The following ANKDD1A variants were observed in gnomAD, a reference collection of about 807,000 sequenced individuals.
ANKDD1A encodes the protein ankyrin repeat and death domain containing 1A.
ANKDD1A carries 59 observed loss-of-function variants against 63.5 expected under a neutral mutation model. The observed-to-expected ratio is 0.93, with a 90% confidence interval of 0.75 to 1.15. The LOEUF (loss-of-function observed/expected upper bound fraction) is 1.15, where lower values mean the gene tolerates loss of function less well. ANKDD1A is among the 50% of genes most tolerant of loss of function. The pLI is 0.00. For synonymous variants in ANKDD1A, 266 were observed against 263.9 expected (o/e 1.01, Z -0.08); for missense variants, 632 against 656.4 (o/e 0.96, Z 0.41).
chr15:64,915,810 G>A lies in ANKDD1A; in HGVS notation c.48G>A (p.Glu16=), dbSNP rs369376868. The change falls in exon 2 of 15, where the codon GAG becomes GAA. Residue 16 remains glutamate, a synonymous_variant. Coordinates refer to ENST00000319580, the MANE Select transcript of ANKDD1A (RefSeq NM_182703.6). Reference sequence around the variant, plus strand: ...TTCTCCCCACAGTGCTTCCTCTGGAGAGGCAGCTCCACGAGGCCGCCCGCC... The same window carrying A: ...TTCTCCCCACAGTGCTTCCTCTGGAAAGGCAGCTCCACGAGGCCGCCCGCC... ...AWETDGLLPL[E]RQLHEAARQN... 1.9e-6 allele frequency: 3 copies of A among 1,613,898 alleles called. No homozygotes were observed. In the African/African-American group the frequency reaches 4.0e-5, roughly 22 times the overall value.
At chr15:64,954,081 T>C (rs1270438472) in intron 14 of ANKDD1A, among the ~76,000 whole-genome samples, 3 of 3,672 alleles carry the variant, frequency 8.2e-4, no homozygotes, top group Non-Finnish European at 5.7e-3. Context: ...TCCTCTTTTC[T>C]TCTTCTTTCT....
intron 14 of ANKDD1A, among the ~76,000 whole-genome samples, chr15:64,954,463 CTCCTTCTTCCTCTTT>C (rs1166352185): frequency 2.4e-5 from 3 of 122,622 alleles, no homozygotes; most frequent in South Asian, 3.0e-4. Context: ...CTTCCCTCTT[CTCCTTCTTCCTCTTT>C]TTCTTCTTCC....
rs1478059777 is a variant in ANKDD1A, at chr15:64,951,373, CTTTCT to C, written c.1483+1405_1483+1409del. 8,252 of 432,814 alleles carry C rather than the reference CTTTCT, an allele frequency of 0.019. 757 individuals carry two copies. In the African/African-American group the frequency reaches 0.2, roughly 11 times the overall value. 26.8% of individuals were successfully genotyped at this position (432,814 alleles called of 1,614,324 possible). On this transcript the variant is annotated intron_variant, in intron 14 of 14. Transcript: ENST00000319580. Reference sequence around the variant, plus strand: ...CTCTTCTTTCTTCTTCCTCTTTCTTCTTTCTTTTTCTTTTCTTCTTCCTCTTTTTT... The same window carrying C: ...CTCTTCTTTCTTCTTCCTCTTTCTTCTTTTCTTTTCTTCTTCCTCTTTTTT...
intron 3 of ANKDD1A, chr15:64,919,685 C>A (rs543781176): frequency 2.1e-4 from 32 of 152,318 alleles, no homozygotes; most frequent in African/African-American, 7.5e-4. Context: ...TACCTCTCCC[C>A]GGTTTCCAGG....
intron 1 of ANKDD1A, 106 bp from the exon 2 acceptor site, chr15:64,915,691 A>AC: frequency 1.1e-6 from 1 of 923,154 alleles, no homozygotes; most frequent in Non-Finnish European, 1.7e-6. Context: ...TAGCTGAAAG[A>AC]CCCCTGCTCC....
Position 64,942,565 on chromosome 15 carries a change from T to C in ANKDD1A, c.966T>C (p.Asn322=), listed in dbSNP as rs1048529733. 1.9e-6 allele frequency: 3 copies of C among 1,612,130 alleles called. No homozygotes were observed. The highest frequency in any genetic ancestry group is 8.5e-7 in the Non-Finnish European group (1 of 1,179,068). ...ACAGTGACGTGAATGCCGTGGACAA[T>C]GTAAGTGGCTACAGAGACCTTCCGG... is the stretch of plus-strand genomic sequence containing the variant. ...NSDSDVNAVD[N]RQQTPLHLAA... Residue 322 remains asparagine (N), a splice_region_variant and synonymous_variant, in exon 10 of 15, where the codon AAT becomes AAC. Transcript: ENST00000319580.
chr15:64,948,867 A>G (rs1232848366), intron 13 of ANKDD1A, among the ~76,000 whole-genome samples: 1 of 152,156 alleles, frequency 6.6e-6, no homozygotes, highest in Non-Finnish European at 1.5e-5. Context: ...AAATATGCAA[A>G]TTGACATTTG....
chr15:64,951,430 C>CTTTT (rs71447825), intron 14 of ANKDD1A: 61 of 188,942 alleles, frequency 3.2e-4, no homozygotes, highest in African/African-American at 1.5e-3. Context: ...CTCTTTTCTT[C>CTTTT]TTTTTCTTTC....
chr15:64,921,581 G>T (rs1485171793), intron 3 of ANKDD1A, among the ~76,000 whole-genome samples: 2 of 151,912 alleles, frequency 1.3e-5, no homozygotes, highest in Non-Finnish European at 2.9e-5. Context: ...CACCATATTG[G>T]CCAGGCTGGT....
intron 3 of ANKDD1A, among the ~76,000 whole-genome samples, chr15:64,918,335 C>T (rs942402381): frequency 6.6e-6 from 1 of 152,224 alleles, no homozygotes; most frequent in Non-Finnish European, 1.5e-5. Flanking sequence ...TTTCTTTGTT[C>T]CGGCTTCTCT....
intron 6 of ANKDD1A, among the ~76,000 whole-genome samples, chr15:64,929,031 C>T (rs145891132): frequency 3.3e-5 from 5 of 152,364 alleles, no homozygotes; most frequent in Admixed American, 6.5e-5. Flanking sequence ...AGAGATTTCA[C>T]GCTGTGATTG....
At chr15:64,949,405 T>C (rs1002187128) in intron 13 of ANKDD1A, among the ~76,000 whole-genome samples, 7 of 152,198 alleles carry the variant, frequency 4.6e-5, no homozygotes, top group African/African-American at 1.7e-4. Flanking sequence ...CAGCTCCATC[T>C]CTGACTAAGC....
intron 14 of ANKDD1A, among the ~76,000 whole-genome samples, chr15:64,953,428 T>TCCA (rs1180707920): frequency 2.0e-3 from 54 of 26,432 alleles, no homozygotes; most frequent in African/African-American, 2.4e-3. Context: ...CCCTTCTTCT[T>TCCA]CCTCCTCCTT....
chr15:64,950,237 A>G, intron 14 of ANKDD1A: 1 of 985,384 alleles, frequency 1.0e-6, no homozygotes, highest in Non-Finnish European at 1.2e-6. Context: ...TGCTGTCCAT[A>G]ATCTCTTCCT....
At chr15:64,944,823 C>A in intron 12 of ANKDD1A, 76 bp downstream of exon 12, 2 of 1,477,290 alleles carry the variant, frequency 1.4e-6, no homozygotes, top group Non-Finnish European at 1.9e-6. Flanking sequence ...TGGCTTTGAA[C>A]CCTAGGCCTG....
intron 14 of ANKDD1A, among the ~76,000 whole-genome samples, chr15:64,953,829 T>C (rs1469678115): frequency 1.3e-4 from 3 of 22,718 alleles, no homozygotes; most frequent in Non-Finnish European, 5.1e-4. Flanking sequence ...TATTCTTTTC[T>C]TCTTTCCTCT....
intron 9 of ANKDD1A, among the ~76,000 whole-genome samples, chr15:64,941,613 T>C (rs1013749002): frequency 2.0e-5 from 3 of 152,246 alleles, no homozygotes; most frequent in African/African-American, 7.2e-5. Flanking sequence ...TTTTGTTGTA[T>C]GTGTGTGTAT....
At chr15:64,945,619 T>TAA (rs2085217257) in intron 12 of ANKDD1A, among the ~76,000 whole-genome samples, 1 of 68,516 alleles carries the variant, frequency 1.5e-5, no homozygotes, top group Non-Finnish European at 2.6e-5. Flanking sequence ...TATATATATA[T>TAA]ATATATATAT....
At chr15:64,952,864 T>TTCCTC (rs1491089835) in intron 14 of ANKDD1A, among the ~76,000 whole-genome samples, 5 of 139,276 alleles carry the variant, frequency 3.6e-5, no homozygotes, top group Middle Eastern at 3.8e-3. Context: ...CTCCTTCTTC[T>TTCCTC]TTTCTTCTCT....
Sources: gnomAD v4.1 joint callset for allele counts (sites outside exome capture counted in the v4.1 genomes callset) on GRCh38, gnomAD v4.1.1 for gene constraint, MANE v1.5 for transcripts, NCBI Gene and HGNC (gene_info 2026-07-23, HGNC 2026-07-21) for gene names.